The following RAB5B variants were observed in gnomAD, a reference collection of about 807,000 sequenced individuals.
RAB5B encodes the protein RAB5B, member RAS oncogene family.
A neutral mutation model predicts 28.6 loss-of-function variants in RAB5B; 11 were observed. The ratio of observed to expected loss-of-function variants is 0.38; its 90% CI spans 0.24 to 0.64. The LOEUF (loss-of-function observed/expected upper bound fraction) is 0.64, where lower values mean the gene tolerates loss of function less well. RAB5B is among the 30% of genes least tolerant of loss of function. The pLI is 0.53. For synonymous variants in RAB5B, 93 were observed against 97.9 expected (o/e 0.95, Z 0.29); for missense variants, 169 against 265.6 (o/e 0.64, Z 2.53).
intron 1 of RAB5B, among the ~76,000 whole-genome samples, chr12:55,986,187 C>A (rs1203231817): frequency 6.6e-6 from 1 of 152,190 alleles, no homozygotes; most frequent in Non-Finnish European, 1.5e-5. Flanking sequence ...TGGCTCATGC[C>A]TGTAATATCA....
chr12:55,983,173 G>T (rs963015041), intron 1 of RAB5B, among the ~76,000 whole-genome samples: 1 of 151,902 alleles, frequency 6.6e-6, no homozygotes, highest in African/African-American at 2.4e-5. Context: ...CCGCCCTCTG[G>T]GTTCAAGCGA....
At chr12:55,980,598 G>A (rs531390991) in intron 1 of RAB5B, 13 of 1,598,564 alleles carry the variant, frequency 8.1e-6, no homozygotes, top group African/African-American at 2.7e-5. Flanking sequence ...TCGAAAAATC[G>A]GATTCCATGC....
rs1364274086 is a variant in RAB5B at position 55,993,968 on chromosome 12, A to G, written c.*1756A>G. 2.6e-5 allele frequency: 4 copies of G among 152,500 alleles called. No homozygotes were observed. The highest frequency in any genetic ancestry group is 2.6e-4 in the Admixed American group (4 of 15,282). 9.4% of individuals were successfully genotyped at this position (152,500 alleles called of 1,614,324 possible). ...AAGAGAACTTTAAGTTCCTTGTTCC[A>G]GCCCGGAGTTTTGGGAAAGAAAGAA... On this transcript the variant is annotated 3_prime_UTR_variant, in exon 6 of 6. Coordinates refer to ENST00000360299, the MANE Select transcript of RAB5B (RefSeq NM_002868.4).
rs757340912 is a variant in RAB5B at position 55,990,706 on chromosome 12, T to C, written c.340T>C (p.Trp114Arg). The change falls in exon 4 of 6, where the codon TGG becomes CGG. Residue 114 changes from tryptophan (W) to arginine (R), a missense_variant. By Grantham distance (101) the Trp-to-Arg change is moderately radical. Around this residue, in one of 3 missense-constraint regions of RAB5B, gnomAD observed 123 missense variants for 162.4 expected, o/e 0.76. Transcript: ENST00000360299. ...GGAAACCTTTGCCCGAGCAAAGACA[T>C]GGGTGAAGGAACTACAGCGACAGGC... ...NQETFARAKT[W>R]VKELQRQASP... 1.2e-6 allele frequency: 2 copies of C among 1,613,888 alleles called. No homozygotes were observed. Among genetic ancestry groups the C allele is most frequent in the Admixed American group, 3.3e-5 (2 of 60,018 alleles).
chr12:55,990,629 G>A, intron 3 of RAB5B, 53 bp from the exon 4 acceptor site: 2 of 1,603,212 alleles, frequency 1.2e-6, no homozygotes, highest in South Asian at 2.2e-5. Flanking sequence ...AAAAGGTGAT[G>A]GATATGGATT....
intron 2 of RAB5B, among the ~76,000 whole-genome samples, chr12:55,987,443 C>T (rs1312396125): frequency 3.3e-5 from 5 of 151,808 alleles, no homozygotes; most frequent in East Asian, 3.9e-4. Context: ...GGATTACAGG[C>T]GTGAGTCACC....
At chr12:55,989,792 T>TA (rs1315244008) in intron 2 of RAB5B, among the ~76,000 whole-genome samples, 155 bp from the exon 3 acceptor site, 2 of 152,178 alleles carry the variant, frequency 1.3e-5, no homozygotes, top group African/African-American at 2.4e-5. Context: ...TTTCAAGACT[T>TA]ACATGTAAGG....
At chr12:55,976,143 A>G (rs1484714763) in intron 1 of RAB5B, among the ~76,000 whole-genome samples, 9 of 152,208 alleles carry the variant, frequency 5.9e-5, no homozygotes, top group Admixed American at 5.9e-4. Flanking sequence ...CCTCCCACAC[A>G]TACCTTATTC....
rs35994383 is a variant in RAB5B at position 55,988,935 on chromosome 12, C to CTTTTT, written c.164-993_164-989dup. On this transcript the variant is annotated intron_variant, in intron 2 of 5. Coordinates refer to ENST00000360299, the MANE Select transcript of RAB5B (RefSeq NM_002868.4). ...AAGCTTTAAAATCTTCTAATTAATT[C>CTTTTT]TTTTTTTTTTTTTTTTTTTTTTTGG... Among the ~76,000 whole-genome samples, 48 of 94,670 alleles carry CTTTTT rather than the reference C, an allele frequency of 5.1e-4. 1 individual carries two copies. Among genetic ancestry groups the CTTTTT allele is most frequent in the South Asian group, 1.1e-3 (3 of 2,636 alleles). 62.1% of individuals were successfully genotyped at this position (94,670 alleles called of 152,430 possible).
chr12:55,977,982 C>A (rs1039209946), intron 1 of RAB5B, among the ~76,000 whole-genome samples: 1 of 152,144 alleles, frequency 6.6e-6, no homozygotes, highest in African/African-American at 2.4e-5. Flanking sequence ...ACTGAAAATT[C>A]AGCGAACTTT....
intron 2 of RAB5B, among the ~76,000 whole-genome samples, chr12:55,988,196 G>A (rs1275007829): frequency 6.6e-6 from 1 of 152,130 alleles, no homozygotes; most frequent in East Asian, 1.9e-4. Flanking sequence ...GCCGGGCATG[G>A]TGGCACATGC....
chr12:55,988,604 A>G (rs1890021501), intron 2 of RAB5B, among the ~76,000 whole-genome samples: 1 of 152,024 alleles, frequency 6.6e-6, no homozygotes, highest in Non-Finnish European at 1.5e-5. Context: ...CCCAGGTTCA[A>G]GTGATTCTCG....
At chr12:55,983,723 A>T (rs138268448) in intron 1 of RAB5B, among the ~76,000 whole-genome samples, 1 of 144,124 alleles carries the variant, frequency 6.9e-6, no homozygotes, top group East Asian at 2.1e-4. Flanking sequence ...GCAGTGGTGT[A>T]ATCAGCTCAC....
At chr12:55,977,904 T>C (rs1186451529) in intron 1 of RAB5B, among the ~76,000 whole-genome samples, 1 of 152,214 alleles carries the variant, frequency 6.6e-6, no homozygotes, top group Non-Finnish European at 1.5e-5. Context: ...GCTCCTTTTT[T>C]TAAACTTGTG....
chr12:55,986,525 A>C (rs985801535), intron 1 of RAB5B, among the ~76,000 whole-genome samples: 7 of 152,170 alleles, frequency 4.6e-5, no homozygotes, highest in Non-Finnish European at 8.8e-5. Flanking sequence ...CGGTGGGTGG[A>C]TCTGGATATT....
At chr12:55,978,420 C>T (rs529130537) in intron 1 of RAB5B, among the ~76,000 whole-genome samples, 103 of 151,836 alleles carry the variant, frequency 6.8e-4, no homozygotes, top group African/African-American at 2.5e-3. Context: ...AGGAGAATGG[C>T]GTGAACCTGG....
chr12:55,995,450 G>T lies in RAB5B; in HGVS notation c.*3238G>T, dbSNP rs1890259329. On this transcript the variant is annotated 3_prime_UTR_variant, in exon 6 of 6. Coordinates refer to ENST00000360299, the MANE Select transcript of RAB5B (RefSeq NM_002868.4). Reference sequence around the variant, plus strand: ...TCTCAAAGGGGTCCATGACCCAAAGGTTGAAAAACATCACTGAGTTAGTTT... The same window carrying T: ...TCTCAAAGGGGTCCATGACCCAAAGTTTGAAAAACATCACTGAGTTAGTTT... 1 of 152,172 alleles carries T rather than the reference G, an allele frequency of 6.6e-6. No individual in the cohort carries two copies. Among genetic ancestry groups the T allele is most frequent in the Non-Finnish European group, 1.5e-5 (1 of 68,050 alleles). 9.4% of individuals were successfully genotyped at this position (152,172 alleles called of 1,614,324 possible).
intron 1 of RAB5B, chr12:55,980,874 C>T (rs1423027497): frequency 1.2e-6 from 2 of 1,610,582 alleles, no homozygotes; most frequent in Non-Finnish European, 8.5e-7. Context: ...ATCTTCTTCC[C>T]CTCTATATCC....
At chr12:55,990,627 A>G in intron 3 of RAB5B, 55 bp from the exon 4 acceptor site, 3 of 1,601,882 alleles carry the variant, frequency 1.9e-6, no homozygotes, top group African/African-American at 1.3e-5. Context: ...TTAAAAGGTG[A>G]TGGATATGGA....
Sources: gnomAD v4.1 joint callset for allele counts (sites outside exome capture counted in the v4.1 genomes callset) on GRCh38, gnomAD v4.1.1 for gene constraint, gnomAD v4.1.1 regional missense constraint, MANE v1.5 for transcripts, NCBI Gene and HGNC (gene_info 2026-07-23, HGNC 2026-07-21) for gene names.